The following SKOR1 variants were observed in gnomAD, a reference collection of about 807,000 sequenced individuals.
SKOR1 encodes LBX1 corepressor 1.
In SKOR1, 38 loss-of-function variants were observed where a neutral mutation model predicts 72.4. That is an observed-to-expected ratio of 0.52 (90% confidence interval 0.40 to 0.69). The LOEUF (loss-of-function observed/expected upper bound fraction) is 0.69. Among genes scored for constraint, SKOR1 ranks in the 30% least tolerant of loss-of-function variants. The pLI, the probability that SKOR1 is intolerant of heterozygous loss-of-function variation, is 0.00. For missense variants in SKOR1, 1,320 were observed against 1,343.2 expected (o/e 0.98, Z 0.27); for synonymous variants, 642 against 599.4 (o/e 1.07, Z -1.04).
intron 5 of SKOR1, among the ~76,000 whole-genome samples, chr15:67,831,273 A>G (rs568184528): frequency 2.6e-5 from 4 of 152,370 alleles, no homozygotes; most frequent in African/African-American, 7.2e-5. Flanking sequence ...CAGGATTTCA[A>G]TGCAGGATTG....
chr15:67,832,321 C>T lies in SKOR1; in HGVS notation c.2635C>T (p.Leu879=). The T allele has an allele frequency of 6.2e-7, 1 of 1,614,150 alleles. No individual in the cohort carries two copies. Among genetic ancestry groups the T allele is most frequent in the Non-Finnish European group, 8.5e-7 (1 of 1,180,026 alleles). ...LLEQMELRKK[L]EREFQSLKDN... is the part of the protein sequence containing the mutation. ...GGAACAAATGGAGCTCCGCAAGAAG[C>T]TGGAACGGGAATTTCAGAGTCTCAA... The change falls in exon 6 of 9, where the codon CTG becomes TTG. Residue 879 remains leucine (L), a synonymous_variant. Coordinates refer to ENST00000380035, the MANE Select transcript of SKOR1 (RefSeq NM_001365915.1). The surrounding 1 kb of genome is among the most constrained non-coding windows in gnomAD (Gnocchi z 4.5).
intron 4 of SKOR1, 75 bp downstream of exon 4, chr15:67,830,373 G>C (rs985890327): frequency 7.7e-7 from 1 of 1,298,494 alleles, no homozygotes; most frequent in African/African-American, 1.5e-5. Context: ...GTTCCCAGAG[G>C]CTTGCGAGAA....
chr15:67,827,503 C>T lies in SKOR1; in HGVS notation c.1675C>T (p.Arg559Cys), dbSNP rs1208579948. Residue 559 changes from arginine to cysteine, a missense_variant, in exon 2 of 9, where the codon CGC becomes TGC. Arg to Cys is a radical substitution (Grantham distance 180). Coordinates refer to ENST00000380035, the MANE Select transcript of SKOR1 (RefSeq NM_001365915.1). Reference sequence around the variant, plus strand: ...GGAGCGCTGCCCGAGCGCTCTGTCCCGCGGGCCCCTGGACGAAGACGGCAC... The same window carrying T: ...GGAGCGCTGCCCGAGCGCTCTGTCCTGCGGGCCCCTGGACGAAGACGGCAC... ...AEERCPSALS[R>C]GPLDEDGTDE... 1 of 1,523,478 alleles carries T rather than the reference C, an allele frequency of 6.6e-7. No homozygotes were observed. Among genetic ancestry groups the T allele is most frequent in the Non-Finnish European group, 8.8e-7 (1 of 1,142,606 alleles). The allele number at this position is 1,523,478 out of a possible 1,614,324, so 94.4% of individuals were successfully genotyped here.
intron 5 of SKOR1, among the ~76,000 whole-genome samples, chr15:67,831,833 T>C (rs773166576): frequency 2.2e-4 from 34 of 151,472 alleles, no homozygotes; most frequent in Non-Finnish European, 1.5e-4. Context: ...GTTGTATGTG[T>C]ATTTTTCTGG....
intron 4 of SKOR1, 59 bp downstream of exon 4, chr15:67,830,357 G>T (rs2090999622): frequency 5.3e-6 from 8 of 1,500,420 alleles, no homozygotes; most frequent in Non-Finnish European, 7.4e-6. Flanking sequence ...GACCCAGGTC[G>T]CCCAGGTTCC....
In SKOR1 at chr15:67,828,074, C is replaced by T. The variant is rs1004326429; in HGVS notation, c.2246C>T (p.Pro749Leu). 3 of 1,528,016 alleles carry T rather than the reference C, an allele frequency of 2.0e-6. No individual in the cohort carries two copies. The highest frequency in any genetic ancestry group is 5.1e-5 in the East Asian group (2 of 39,082). 94.7% of individuals were successfully genotyped at this position (1,528,016 alleles called of 1,614,324 possible). ...EDLVRRPERS[P>L]PSGGGGYELR... ...TTGGTGCGGAGACCTGAGAGGAGCC[C>T]GCCAAGCGGCGGCGGCGGCTACGAG... The change falls in exon 2 of 9, where the codon CCG becomes CTG. Residue 749 changes from proline to leucine, a missense_variant. Transcript: ENST00000380035.
At position 67,832,511 on chromosome 15, in the gene SKOR1, G is replaced by A. The variant is rs1160233040; in HGVS notation, c.2663-96G>A. 23 of 1,332,088 alleles carry A rather than the reference G, an allele frequency of 1.7e-5. No individual in the cohort carries two copies. The East Asian group carries it at 4.2e-4, about 24-fold the overall frequency. 82.5% of individuals were successfully genotyped at this position (1,332,088 alleles called of 1,614,324 possible). ...GCTGCAGGCGAATGGCTGGGTGGGA[G>A]TTGGGGGTAGGGGTGAAAGGGGGGG... On this transcript the variant is annotated intron_variant, in intron 6 of 8. Coordinates refer to ENST00000380035, the MANE Select transcript of SKOR1 (RefSeq NM_001365915.1). The surrounding 1 kb of genome is among the most constrained non-coding windows in gnomAD (Gnocchi z 4.5).
Position 67,826,880 on chromosome 15 carries a change from C to A in SKOR1, c.1052C>A (p.Ala351Glu), listed in dbSNP as rs1489126813. The A allele has an allele frequency of 1.9e-6, 3 of 1,542,990 alleles. No individual in the cohort carries two copies. In the South Asian group the frequency reaches 3.5e-5, roughly 18 times the overall value. ...CACCCGCAGCGCGGACTTGGCCTGG[C>A]GACTGGAGCTAGTGGCCCGGCGGGC... ...PPHPQRGLGL[A>E]TGASGPAGPG... Residue 351 changes from alanine (A) to glutamate (E), a missense_variant, in exon 2 of 9, where the codon GCG (alanine) becomes GAG (glutamate). By Grantham distance (107) the Ala-to-Glu change is moderately radical (BLOSUM62 -1). Around this residue, in one of 3 missense-constraint regions of SKOR1, gnomAD observed 1,099 missense variants for 1,025.5 expected, o/e 1.07. Coordinates refer to ENST00000380035, the MANE Select transcript of SKOR1 (RefSeq NM_001365915.1).
chr15:67,830,222 C>T lies in SKOR1; in HGVS notation c.2439C>T (p.Ala813=). The T allele has an allele frequency of 6.2e-7, 1 of 1,614,178 alleles. No homozygotes were observed. ...EPDKEDNHSP[A]DDLETRKSYP... Reference sequence around the variant, plus strand: ...ATAAGGAAGACAATCACTCGCCCGCCGATGATTTGGAAACGAGGAAATCCT... The same window carrying T: ...ATAAGGAAGACAATCACTCGCCCGCTGATGATTTGGAAACGAGGAAATCCT... The change falls in exon 4 of 9, where the codon GCC becomes GCT. Residue 813 remains alanine (A), a synonymous_variant. Transcript: ENST00000380035.
Position 67,832,736 on chromosome 15 carries a change from C to T in SKOR1, c.2737+55C>T. ...CGGGCCGTAACTGCCTCTCGTCTGG[C>T]AGGAGCCGCAATGTTGGCTCAGTCA... On this transcript the variant is annotated intron_variant, in intron 7 of 8. Coordinates refer to ENST00000380035, the MANE Select transcript of SKOR1 (RefSeq NM_001365915.1). This position sits in a 1 kb window ranked among gnomAD's most constrained non-coding sequence, Gnocchi z 4.5. 1 of 1,416,210 alleles carries T rather than the reference C, an allele frequency of 7.1e-7. No homozygotes were observed. The highest frequency in any genetic ancestry group is 1.0e-6 in the Non-Finnish European group (1 of 1,003,058). 87.7% of individuals were successfully genotyped at this position (1,416,210 alleles called of 1,614,324 possible).
chr15:67,827,234 C>A lies in SKOR1; in HGVS notation c.1406C>A (p.Ala469Asp). 6.4e-7 allele frequency: 1 copy of A among 1,573,920 alleles called. No homozygotes were observed. Among genetic ancestry groups the A allele is most frequent in the African/African-American group, 1.4e-5 (1 of 71,846 alleles). The change falls in exon 2 of 9, where the codon GCC becomes GAC. Residue 469 changes from alanine (A) to aspartate (D), a missense_variant. This residue lies in a region of SKOR1 where 1,099 missense variants were observed against 1,025.5 expected (regional missense o/e 1.07). Coordinates refer to ENST00000380035, the MANE Select transcript of SKOR1 (RefSeq NM_001365915.1). ...MFWGHQPSGA[A>D]KDAAAVAAAA... ...TGGGGGCATCAACCCTCCGGGGCAG[C>A]CAAGGACGCAGCGGCAGTGGCTGCA...
At chr15:67,830,447 C>T (rs143470831) in intron 4 of SKOR1, 149 bp downstream of exon 4, 2 of 735,116 alleles carry the variant, frequency 2.7e-6, no homozygotes, top group East Asian at 2.7e-5. Flanking sequence ...AAATATTTAA[C>T]GCGAGCAGGG....
Position 67,827,412 on chromosome 15 carries a change from T to C in SKOR1, c.1584T>C (p.Ala528=). 1 of 1,525,212 alleles carries C rather than the reference T, an allele frequency of 6.6e-7. No homozygotes were observed. Among genetic ancestry groups the C allele is most frequent in the Admixed American group, 2.0e-5 (1 of 49,638 alleles). 94.5% of individuals were successfully genotyped at this position (1,525,212 alleles called of 1,614,324 possible). Residue 528 remains alanine (A), a synonymous_variant, in exon 2 of 9, where the codon GCT becomes GCC. Transcript: ENST00000380035. ...CAGCGGCGGCGGCAGCGGCAGCTGCTGGCAGCGGTGCCCCAGAGCCCCTGG... is the reference window on the plus strand; with the variant it reads ...CAGCGGCGGCGGCAGCGGCAGCTGCCGGCAGCGGTGCCCCAGAGCCCCTGG... ...AAAAAAAAAA[A]GSGAPEPLDG... is the part of the protein sequence containing the mutation.
rs1405896809 is a variant in SKOR1 at position 67,828,056 on chromosome 15, G to A, written c.2228G>A (p.Arg743Gln). 1.3e-6 allele frequency: 2 copies of A among 1,538,118 alleles called. No individual in the cohort carries two copies. Among genetic ancestry groups the A allele is most frequent in the African/African-American group, 2.8e-5 (2 of 72,236 alleles). Residue 743 changes from arginine to glutamine, a missense_variant, in exon 2 of 9, where the codon CGG (arginine) becomes CAG (glutamine). Physicochemically the swap from Arg to Gln is conservative, Grantham distance 43 (BLOSUM62 1). Transcript: ENST00000380035. ...FGDLAAEDLV[R>Q]RPERSPPSGG... ...GACTTGGCAGCCGAAGACTTGGTGC[G>A]GAGACCTGAGAGGAGCCCGCCAAGC...
chr15:67,833,939 C>T lies in SKOR1; in HGVS notation c.*103C>T. ...GAGGAACAAGCCATTCGGACCCGAC[C>T]GATGTAAATACAGCCGCCCGTCCGC... On this transcript the variant is annotated 3_prime_UTR_variant, in exon 9 of 9. Transcript: ENST00000380035. The surrounding 1 kb of genome is among the most constrained non-coding windows in gnomAD (Gnocchi z 6.0). The T allele has an allele frequency of 7.8e-7, 1 of 1,289,698 alleles. No homozygotes were observed. Among genetic ancestry groups the T allele is most frequent in the Non-Finnish European group, 1.1e-6 (1 of 904,414 alleles). The allele number at this position is 1,289,698 out of a possible 1,614,324, so 79.9% of individuals were successfully genotyped here. A position where few individuals can be genotyped will look rare whatever the true frequency, so the allele number is the denominator to read the frequency against.
In SKOR1 at chr15:67,829,187, G is replaced by T. The variant is rs1172091235; in HGVS notation, c.2325G>T (p.Ala775=). The change falls in exon 3 of 9, where the codon GCG becomes GCT. Residue 775 remains alanine (A), a synonymous_variant. Coordinates refer to ENST00000380035, the MANE Select transcript of SKOR1 (RefSeq NM_001365915.1). ...LGGPAPAKVF[A]PERDEHVKSA... ...TTTCTCGGCCGTCGCAGGTGTTCGC[G>T]CCCGAGAGGGATGAGCACGTGAAGA... 3 of 1,562,136 alleles carry T rather than the reference G, an allele frequency of 1.9e-6. No individual in the cohort carries two copies. The highest frequency in any genetic ancestry group is 2.3e-5 in the East Asian group (1 of 42,680).
Position 67,833,362 on chromosome 15 carries a change from G to C in SKOR1, c.2803+105G>C. On this transcript the variant is annotated intron_variant, in intron 8 of 8. Coordinates refer to ENST00000380035, the MANE Select transcript of SKOR1 (RefSeq NM_001365915.1). The surrounding 1 kb of genome is among the most constrained non-coding windows in gnomAD (Gnocchi z 6.0). ...TAGTGAGGAAGGCCACGATCCACGT[G>C]GATCAGGATCTGTGAGGGAGAAAAG... 8.6e-7 allele frequency: 1 copy of C among 1,166,112 alleles called. No homozygotes were observed. The highest frequency in any genetic ancestry group is 1.3e-5 in the South Asian group (1 of 79,180). The allele number at this position is 1,166,112 out of a possible 1,614,324, so 72.2% of individuals were successfully genotyped here.
chr15:67,833,068 C>T lies in SKOR1; in HGVS notation c.2738-124C>T, dbSNP rs927170895. ...AGTTAGGAGCTCCGGTACCCCCTCC[C>T]CCATCCCTGGAGTTGTTTCTGCGCG... On this transcript the variant is annotated intron_variant, in intron 7 of 8. Transcript: ENST00000380035. This position sits in a 1 kb window ranked among gnomAD's most constrained non-coding sequence, Gnocchi z 6.0. 2 of 955,774 alleles carry T rather than the reference C, an allele frequency of 2.1e-6. No homozygotes were observed. Among genetic ancestry groups the T allele is most frequent in the African/African-American group, 3.2e-5 (2 of 61,592 alleles). The allele number at this position is 955,774 out of a possible 1,614,324, so 59.2% of individuals were successfully genotyped here.
At position 67,832,695 on chromosome 15, in the gene SKOR1, C is replaced by T. The variant is rs2091018093; in HGVS notation, c.2737+14C>T. On this transcript the variant is annotated intron_variant, in intron 7 of 8. Coordinates refer to ENST00000380035, the MANE Select transcript of SKOR1 (RefSeq NM_001365915.1). The surrounding 1 kb of genome is among the most constrained non-coding windows in gnomAD (Gnocchi z 4.5). Reference sequence around the variant, plus strand: ...AAATTGTCAGAGGTAAGACGGGAGTCAGGTGAGCTCGTGCACGGGCCGTAA... The same window carrying T: ...AAATTGTCAGAGGTAAGACGGGAGTTAGGTGAGCTCGTGCACGGGCCGTAA... 5 of 1,612,552 alleles carry T rather than the reference C, an allele frequency of 3.1e-6. No homozygotes were observed. The highest frequency in any genetic ancestry group is 2.2e-5 in the East Asian group (1 of 44,874).
Sources: allele counts gnomAD v4.1 joint callset (sites outside exome capture counted in the v4.1 genomes callset), GRCh38; gene constraint gnomAD v4.1.1; regional missense constraint gnomAD v4.1.1; non-coding constraint Gnocchi (gnomAD v3.1); transcripts MANE v1.5; gene names NCBI Gene and HGNC (gene_info 2026-07-23, HGNC 2026-07-21).